Variants in CLSTN2 observed in about 807,000 individuals in gnomAD.
CLSTN2 encodes the protein calsyntenin 2, also known as calsyntenin-2.
Under a neutral mutation model 101.2 loss-of-function variants are expected in CLSTN2, and 48 were observed. That is an observed-to-expected ratio of 0.47 (90% CI 0.38 to 0.60). The LOEUF (loss-of-function observed/expected upper bound fraction) is 0.60, where lower values mean the gene tolerates loss of function less well. Ranked by LOEUF, CLSTN2 falls within the 20% of genes least tolerant of loss-of-function variation. The probability of loss-of-function intolerance (pLI) is 0.00; values close to 1 mark genes in which losing one functional copy is unlikely to be tolerated. For synonymous variants in CLSTN2, 481 were observed against 463.6 expected (o/e 1.04, Z -0.48); for missense variants, 1,160 against 1,238.2 (o/e 0.94, Z 0.95).
intron 2 of CLSTN2, among the ~76,000 whole-genome samples, chr3:140,209,352 C>T (rs1299843711): frequency 6.6e-6 from 1 of 152,204 alleles, no homozygotes; most frequent in Non-Finnish European, 1.5e-5. Flanking sequence ...CTTATGCTTT[C>T]AGGACAGTGG....
intron 8 of CLSTN2, among the ~76,000 whole-genome samples, chr3:140,530,517 C>T (rs1345385394): frequency 6.6e-6 from 1 of 152,240 alleles, no homozygotes; most frequent in African/African-American, 2.4e-5. Flanking sequence ...GATGCTGCTA[C>T]TGTTGAGTTA....
At chr3:140,441,523 A>G (rs1025940804) in intron 5 of CLSTN2, among the ~76,000 whole-genome samples, 5 of 152,224 alleles carry the variant, frequency 3.3e-5, no homozygotes, top group African/African-American at 1.2e-4. Context: ...TGCAGATGAG[A>G]AAATTGAGGC....
At chr3:140,297,121 C>CT (rs1269013143) in intron 2 of CLSTN2, among the ~76,000 whole-genome samples, 2 of 152,212 alleles carry the variant, frequency 1.3e-5, no homozygotes, top group Non-Finnish European at 2.9e-5. Context: ...CTTCTGGCTA[C>CT]TTTTTTTGAC....
intron 5 of CLSTN2, among the ~76,000 whole-genome samples, chr3:140,427,380 C>T (rs1485304685): frequency 1.3e-5 from 2 of 151,596 alleles, no homozygotes; most frequent in African/African-American, 2.4e-5. Context: ...GGCACATGGG[C>T]CCCCAGATGG....
intron 8 of CLSTN2, among the ~76,000 whole-genome samples, chr3:140,473,438 A>C (rs905969041): frequency 2.6e-5 from 4 of 152,180 alleles, no homozygotes; most frequent in Non-Finnish European, 4.4e-5. Context: ...CTTGAGATGG[A>C]GAGATGATTT....
intron 1 of CLSTN2, among the ~76,000 whole-genome samples, chr3:140,042,272 T>C (rs1320678459): frequency 1.3e-5 from 2 of 152,220 alleles, no homozygotes; most frequent in East Asian, 1.9e-4. Context: ...ATCTACTTTA[T>C]GTTTCTGCTG....
intron 2 of CLSTN2, among the ~76,000 whole-genome samples, chr3:140,232,875 TAGTTC>T (rs2086382852): frequency 6.6e-6 from 1 of 152,122 alleles, no homozygotes; most frequent in African/African-American, 2.4e-5. Flanking sequence ...GTCACTAGCT[TAGTTC>T]AGAACACCAG....
intron 1 of CLSTN2, among the ~76,000 whole-genome samples, chr3:140,172,283 A>G (rs905336441): frequency 1.6e-4 from 24 of 152,116 alleles, no homozygotes; most frequent in Non-Finnish European, 2.1e-4. Flanking sequence ...AAGTAATCAG[A>G]TTAATGTTTT....
At chr3:140,367,395 C>G (rs2087803172) in intron 2 of CLSTN2, among the ~76,000 whole-genome samples, 1 of 151,572 alleles carries the variant, frequency 6.6e-6, no homozygotes, top group African/African-American at 2.4e-5. Flanking sequence ...TGCCTGTAGT[C>G]TCAGCTACTT....
chr3:140,441,066 C>G (rs2088758382), intron 5 of CLSTN2, among the ~76,000 whole-genome samples: 1 of 152,210 alleles, frequency 6.6e-6, no homozygotes, highest in African/African-American at 2.4e-5. Context: ...AATTTCCAAC[C>G]TGATGGTTGT....
At chr3:140,553,365 T>G (rs1309490312) in intron 10 of CLSTN2, among the ~76,000 whole-genome samples, 1 of 152,198 alleles carries the variant, frequency 6.6e-6, no homozygotes, top group African/African-American at 2.4e-5. Context: ...CAGGTAGATA[T>G]TAATTTCCCC....
chr3:140,037,320 A>T (rs1282460879), intron 1 of CLSTN2, among the ~76,000 whole-genome samples: 1 of 152,128 alleles, frequency 6.6e-6, no homozygotes, highest in African/African-American at 2.4e-5. Flanking sequence ...TGTAGCCTGG[A>T]TTGATAAAAG....
chr3:140,102,075 C>A (rs1315439855), intron 1 of CLSTN2, among the ~76,000 whole-genome samples: 1 of 152,170 alleles, frequency 6.6e-6, no homozygotes, highest in Non-Finnish European at 1.5e-5. Flanking sequence ...AGGCCATTTT[C>A]TAGGTCCTAA....
At chr3:140,434,934 G>A (rs929445507) in intron 5 of CLSTN2, among the ~76,000 whole-genome samples, 6 of 151,784 alleles carry the variant, frequency 4.0e-5, no homozygotes, top group Non-Finnish European at 8.8e-5. Flanking sequence ...TACCACTTTT[G>A]TGGGTACATA....
intron 2 of CLSTN2, among the ~76,000 whole-genome samples, chr3:140,249,289 G>A (rs1173514339): frequency 1.3e-5 from 2 of 152,194 alleles, no homozygotes; most frequent in Non-Finnish European, 2.9e-5. Context: ...ATGGACTGCT[G>A]CAGATGTTCT....
At chr3:140,151,655 T>C (rs2009868556) in intron 1 of CLSTN2, among the ~76,000 whole-genome samples, 1 of 152,056 alleles carries the variant, frequency 6.6e-6, no homozygotes, top group Non-Finnish European at 1.5e-5. Flanking sequence ...CACCTATCTC[T>C]TGTGTATAAG....
chr3:140,242,772 T>C (rs1265992345), intron 2 of CLSTN2, among the ~76,000 whole-genome samples: 2 of 152,190 alleles, frequency 1.3e-5, no homozygotes, highest in African/African-American at 2.4e-5. Flanking sequence ...ACGGAGTCCT[T>C]GCTGCCCAAT....
chr3:140,358,863 G>A (rs1217493934), intron 2 of CLSTN2, among the ~76,000 whole-genome samples: 1 of 151,926 alleles, frequency 6.6e-6, no homozygotes, highest in Non-Finnish European at 1.5e-5. Flanking sequence ...AATGCAACAG[G>A]GATCAGGGAA....
chr3:139,956,280 A>G (rs563660754), intron 1 of CLSTN2, among the ~76,000 whole-genome samples: 2 of 152,144 alleles, frequency 1.3e-5, no homozygotes, highest in African/African-American at 2.4e-5. Flanking sequence ...TGTATTACTC[A>G]TTTTCTCTAA....
Sources: gnomAD v4.1 joint callset for allele counts (sites outside exome capture counted in the v4.1 genomes callset) on GRCh38, gnomAD v4.1.1 for gene constraint, MANE v1.5 for transcripts, NCBI Gene and HGNC (gene_info 2026-07-23, HGNC 2026-07-21) for gene names.